The following VWA8 variants were observed in gnomAD, a reference collection of about 807,000 sequenced individuals.
VWA8 encodes the protein von Willebrand factor A domain-containing protein 8.
Under a neutral mutation model 241.5 loss-of-function variants are expected in VWA8, and 221 were observed. That is an observed-to-expected ratio of 0.91 (90% CI 0.82 to 1.02). The LOEUF is 1.02. Ranked by LOEUF, VWA8 falls within the 50% of genes least tolerant of loss-of-function variation. The pLI is 0.00. For synonymous variants in VWA8, 852 were observed against 827.1 expected (o/e 1.03, Z -0.52); for missense variants, 2,322 against 2,328.7 (o/e 1.00, Z 0.06).
At chr13:41,682,293 A>G (rs2045106055) in intron 35 of VWA8, among the ~76,000 whole-genome samples, 1 of 152,192 alleles carries the variant, frequency 6.6e-6, no homozygotes, top group East Asian at 1.9e-4. Flanking sequence ...TTTTCAGCAA[A>G]TGGTGCTGGT....
At chr13:41,790,693 T>G (rs1869416323) in intron 17 of VWA8, among the ~76,000 whole-genome samples, 1 of 151,956 alleles carries the variant, frequency 6.6e-6, no homozygotes, top group Non-Finnish European at 1.5e-5. Context: ...CTCTAATTAA[T>G]TTTTCTACAA....
At chr13:41,653,403 TC>T (rs2044881344) in intron 37 of VWA8, among the ~76,000 whole-genome samples, 3 of 151,984 alleles carry the variant, frequency 2.0e-5, no homozygotes, top group Non-Finnish European at 4.4e-5. Context: ...CTGAAAGAAA[TC>T]AGAGATAACG....
chr13:41,880,564 C>T (rs912858737), intron 9 of VWA8, among the ~76,000 whole-genome samples: 1 of 152,206 alleles, frequency 6.6e-6, no homozygotes, highest in Admixed American at 6.5e-5. Flanking sequence ...ACATATGATG[C>T]ATTTAGCTAT....
chr13:41,721,985 G>A (rs767093517), intron 24 of VWA8, among the ~76,000 whole-genome samples: 1 of 152,228 alleles, frequency 6.6e-6, no homozygotes, highest in African/African-American at 2.4e-5. Context: ...TGCAAACAGA[G>A]TTTAGATAAT....
chr13:41,812,000 T>C (rs1593788890), intron 16 of VWA8, among the ~76,000 whole-genome samples: 1 of 152,170 alleles, frequency 6.6e-6, no homozygotes, highest in African/African-American at 2.4e-5. Flanking sequence ...GTAAAGTTTA[T>C]AGGCTTTTGA....
Position 41,918,605 on chromosome 13 carries a change from T to C in VWA8, c.242-6437A>G, listed in dbSNP as rs7319090. ...TTTTTATATTGTTTTGATTTCTGAA[T>C]GACAAAAATATATTAGTTCTGCAAA... On this transcript the variant is annotated intron_variant, in intron 2 of 44. Coordinates refer to ENST00000379310, the MANE Select transcript of VWA8 (RefSeq NM_015058.2). 1.7e-3 allele frequency among the ~76,000 whole-genome samples: 257 copies of C among 152,244 alleles called. 2 individuals are homozygous for C. Among genetic ancestry groups the C allele is most frequent in the African/African-American group, 5.7e-3 (236 of 41,544 alleles).
At chr13:41,875,491 A>G (rs1566490352) in intron 9 of VWA8, among the ~76,000 whole-genome samples, 1 of 152,080 alleles carries the variant, frequency 6.6e-6, no homozygotes, top group African/African-American at 2.4e-5. Context: ...CTTCATTGAT[A>G]CATATGAATT....
chr13:41,697,165 C>T (rs1030726645), intron 29 of VWA8, among the ~76,000 whole-genome samples: 8 of 152,184 alleles, frequency 5.3e-5, no homozygotes, highest in Non-Finnish European at 7.3e-5. Flanking sequence ...TTTACTTTCT[C>T]TCTCACCCCA....
intron 3 of VWA8, among the ~76,000 whole-genome samples, chr13:41,909,082 T>C (rs1251422880): frequency 6.6e-6 from 1 of 150,828 alleles, no homozygotes; most frequent in Non-Finnish European, 1.5e-5. Context: ...TGAGATAGTC[T>C]CACTCTGTCA....
At chr13:41,805,268 A>G (rs571025184) in intron 17 of VWA8, among the ~76,000 whole-genome samples, 1 of 152,348 alleles carries the variant, frequency 6.6e-6, no homozygotes, top group South Asian at 2.1e-4. Context: ...AGGAGTCACT[A>G]TAATTATATC....
chr13:41,880,016 T>TTTTAAAC (rs1874094251), intron 9 of VWA8, among the ~76,000 whole-genome samples: 1 of 152,218 alleles, frequency 6.6e-6, no homozygotes, highest in South Asian at 2.1e-4. Flanking sequence ...ACTTTAAACA[T>TTTTAAAC]ATAGTTATAA....
At chr13:41,810,848 T>C (rs1158998920) in intron 17 of VWA8, among the ~76,000 whole-genome samples, 19 of 152,160 alleles carry the variant, frequency 1.2e-4, no homozygotes, top group Admixed American at 1.2e-3. Context: ...ACATATTCTA[T>C]GCCTGTATCA....
At chr13:41,649,440 GGTTT>G (rs2044854758) in intron 37 of VWA8, among the ~76,000 whole-genome samples, 1 of 151,882 alleles carries the variant, frequency 6.6e-6, no homozygotes, top group Non-Finnish European at 1.5e-5. Flanking sequence ...GGAATAAATA[GGTTT>G]ATTTGCTGTA....
intron 12 of VWA8, among the ~76,000 whole-genome samples, chr13:41,858,439 C>T (rs1479515954): frequency 1.3e-5 from 2 of 152,030 alleles, no homozygotes; most frequent in African/African-American, 4.8e-5. Context: ...AACCCTGTCT[C>T]TACTAAAAAT....
chr13:41,595,698 CTT>C (rs2044483539), intron 40 of VWA8, among the ~76,000 whole-genome samples: 1 of 152,126 alleles, frequency 6.6e-6, no homozygotes, highest in Non-Finnish European at 1.5e-5. Context: ...ACTTTATTCT[CTT>C]TTGTGCTGCA....
intron 21 of VWA8, among the ~76,000 whole-genome samples, chr13:41,760,688 T>G (rs2045732804): frequency 1.3e-5 from 2 of 151,964 alleles, no homozygotes; most frequent in Non-Finnish European, 2.9e-5. Flanking sequence ...AAAGTAACTT[T>G]AAGGAAGGCA....
rs540149308 is a variant in VWA8 at position 41,585,683 on chromosome 13, G to T, written c.5271+1829C>A. Among the ~76,000 whole-genome samples the T allele has an allele frequency of 7.2e-5, 11 of 152,020 alleles. No homozygotes were observed. In the South Asian group the frequency reaches 2.3e-3, roughly 32 times the overall value. On this transcript the variant is annotated intron_variant, in intron 42 of 44. Transcript: ENST00000379310. ...GTTCGAGACCAGCCTGACCAACATG[G>T]TGAAACCCCATCTCTACTAAAAATA...
rs185592036 is a variant in VWA8, at chr13:41,829,964, C to T, written c.1700+565G>A. ...TTTTTTTAAAAAAATCACTGTCGGC[C>T]GGGCACAGTGGCTCACGCCTGTAAT... On this transcript the variant is annotated intron_variant, in intron 14 of 44. Transcript: ENST00000379310. 2.6e-4 allele frequency among the ~76,000 whole-genome samples: 40 copies of T among 152,206 alleles called. No homozygotes were observed. The East Asian group carries it at 4.4e-3, about 17-fold the overall frequency.
At position 41,891,581 on chromosome 13, in the gene VWA8, C is replaced by T; in HGVS notation, c.490G>A (p.Val164Ile). Reference protein sequence around the residue: ...GTAFYIDQCAVRAATEGRTLI... With the variant: ...GTAFYIDQCAIRAATEGRTLI... ...GTTCTGCCTTCTGTGGCTGCACGAA[C>T]TGCACACTATTTCCAAGAAACGTAA... Residue 164 changes from valine to isoleucine, a missense_variant, in exon 5 of 45, where the codon GTT becomes ATT. Val to Ile is a conservative substitution (Grantham distance 29). Coordinates refer to ENST00000379310, the MANE Select transcript of VWA8 (RefSeq NM_015058.2). 6.2e-7 allele frequency: 1 copy of T among 1,614,094 alleles called. No individual in the cohort carries two copies.
Sources: gnomAD v4.1 joint callset for allele counts (sites outside exome capture counted in the v4.1 genomes callset) on GRCh38, gnomAD v4.1.1 for gene constraint, MANE v1.5 for transcripts, NCBI Gene and HGNC (gene_info 2026-07-23, HGNC 2026-07-21) for gene names.